Variants in RBM18 observed in about 807,000 individuals in gnomAD.
RBM18 encodes the protein RNA binding motif protein 18, also known as probable RNA-binding protein 18.
In RBM18, 18 loss-of-function variants were observed where a neutral mutation model predicts 26.4. That is an observed-to-expected ratio of 0.68 (90% CI 0.47 to 1.01). The LOEUF is 1.01. RBM18 is among the 50% of genes least tolerant of loss of function. The probability of loss-of-function intolerance (pLI) is 0.00; values close to 1 mark genes in which losing one functional copy is unlikely to be tolerated. For missense variants in RBM18, 180 were observed against 219.2 expected (o/e 0.82, Z 1.13); for synonymous variants, 74 against 81.1 (o/e 0.91, Z 0.47).
chr9:122,262,081 G>C (rs1369123012), intron 1 of RBM18, among the ~76,000 whole-genome samples: 1 of 152,042 alleles, frequency 6.6e-6, no homozygotes, highest in African/African-American at 2.4e-5. Flanking sequence ...TCATTATCTA[G>C]AGAGATAATA....
Position 122,251,792 on chromosome 9 carries a change from A to G in RBM18, c.240+55T>C, listed in dbSNP as rs1277851243. The G allele has an allele frequency of 7.0e-6, 11 of 1,561,048 alleles. No individual in the cohort carries two copies. The East Asian group carries it at 1.1e-4, about 16-fold the overall frequency. On this transcript the variant is annotated intron_variant, in intron 3 of 5. Transcript: ENST00000417201. The stretch of plus-strand genomic sequence containing the variant: ...TTCTAGTAGGCAAGAGACATGCACA[A>G]ATAATTATGACAGAGCTTGATAAAT...
chr9:122,261,613 G>C (rs1831797872), intron 1 of RBM18, 105 bp from the exon 2 acceptor site: 1 of 761,014 alleles, frequency 1.3e-6, no homozygotes, highest in African/African-American at 1.7e-5. Context: ...CATGCCCTCT[G>C]GGCAGTCCTT....
chr9:122,261,235 G>C, intron 2 of RBM18, 145 bp downstream of exon 2: 1 of 630,414 alleles, frequency 1.6e-6, no homozygotes, highest in South Asian at 2.0e-5. Flanking sequence ...CAAGATAACA[G>C]GCTAACAACA....
intron 4 of RBM18, 67 bp from the exon 5 acceptor site, chr9:122,245,408 G>T: frequency 1.1e-6 from 1 of 913,068 alleles, no homozygotes; most frequent in Non-Finnish European, 1.8e-6. Context: ...TAGTGGATGG[G>T]TTCAGAAACT....
In RBM18 at chr9:122,261,374, A is replaced by C; in HGVS notation, c.113+6T>G. ...TAGGTAAAAAACTAAGGTAACTTAG[A>C]CTTACTCGGTAATTTTGGGGTCCAG... On this transcript the variant is annotated splice_donor_region_variant and intron_variant, in intron 2 of 5. Transcript: ENST00000417201. The C allele has an allele frequency of 7.5e-6, 12 of 1,596,950 alleles. No homozygotes were observed. Among genetic ancestry groups the C allele is most frequent in the Non-Finnish European group, 1.0e-5 (12 of 1,164,338 alleles).
In RBM18 at chr9:122,238,515, T is replaced by G. The variant is rs1831364445; in HGVS notation, c.*3369A>C. 6.6e-6 allele frequency: 1 copy of G among 152,086 alleles called. No homozygotes were observed. Among genetic ancestry groups the G allele is most frequent in the Non-Finnish European group, 1.5e-5 (1 of 68,012 alleles). 9.4% of individuals were successfully genotyped at this position (152,086 alleles called of 1,614,324 possible). A position where few individuals can be genotyped will look rare whatever the true frequency, so the allele number is the denominator to read the frequency against. On this transcript the variant is annotated 3_prime_UTR_variant, in exon 6 of 6. Transcript: ENST00000417201. Reference sequence around the variant, plus strand: ...TCTGCGGCTATCTGGAGAAAGAGCGTTCTAAGCTAAGGCAACAGCCAATGT... The same window carrying G: ...TCTGCGGCTATCTGGAGAAAGAGCGGTCTAAGCTAAGGCAACAGCCAATGT...
In RBM18 at chr9:122,261,447, G is replaced by A; in HGVS notation, c.46C>T (p.Leu16Phe). The change falls in exon 2 of 6, where the codon CTT becomes TTT. Residue 16 changes from leucine (L) to phenylalanine (F), a missense_variant. Leu to Phe is a conservative substitution (Grantham distance 22, BLOSUM62 0). Transcript: ENST00000417201. ...KTLPLENASI[L>F]SEGSLQEGHR... ...CCTTCCTGCAGAGAGCCCTCTGAAAGGATGGATGCATTCTCCAGGGGAAGA... is the reference window on the plus strand; with the variant it reads ...CCTTCCTGCAGAGAGCCCTCTGAAAAGATGGATGCATTCTCCAGGGGAAGA... 1 of 1,614,200 alleles carries A rather than the reference G, an allele frequency of 6.2e-7. No homozygotes were observed.
intron 4 of RBM18, among the ~76,000 whole-genome samples, chr9:122,247,261 C>T (rs1375418318): frequency 2.6e-5 from 4 of 152,080 alleles, no homozygotes; most frequent in African/African-American, 7.2e-5. Context: ...GAGGTCTGAG[C>T]GTACACATTA....
intron 2 of RBM18, among the ~76,000 whole-genome samples, chr9:122,257,300 C>A (rs1019105153): frequency 1.3e-5 from 2 of 152,132 alleles, no homozygotes; most frequent in Non-Finnish European, 2.9e-5. Flanking sequence ...CACCACCATG[C>A]CCAGCTAATT....
At chr9:122,254,383 T>C (rs1425299559) in intron 2 of RBM18, 3 of 749,874 alleles carry the variant, frequency 4.0e-6, no homozygotes, top group African/African-American at 1.9e-5. Flanking sequence ...ACAAAAGGAA[T>C]GAAATGTTTA....
chr9:122,247,681 T>A, intron 3 of RBM18, 77 bp from the exon 4 acceptor site: 1 of 1,079,812 alleles, frequency 9.3e-7, no homozygotes, highest in Non-Finnish European at 1.4e-6. Flanking sequence ...AGGGCTTCAC[T>A]AGCTTTGATG....
intron 5 of RBM18, among the ~76,000 whole-genome samples, chr9:122,242,752 A>T (rs1456122885): frequency 6.6e-6 from 1 of 151,898 alleles, no homozygotes; most frequent in African/African-American, 2.4e-5. Context: ...TGAACTCCTG[A>T]GCTCAAGCAA....
At chr9:122,242,120 C>T in intron 5 of RBM18, 77 bp from the exon 6 acceptor site, 2 of 1,411,090 alleles carry the variant, frequency 1.4e-6, no homozygotes, top group African/African-American at 1.4e-5. Flanking sequence ...TCTCCTTGAG[C>T]CTCTTGGGAA....
chr9:122,248,060 C>T (rs923559501), intron 3 of RBM18, among the ~76,000 whole-genome samples: 4 of 152,096 alleles, frequency 2.6e-5, no homozygotes, highest in African/African-American at 9.7e-5. Flanking sequence ...GCTGGGATTA[C>T]AGGCGTGAGC....
chr9:122,262,586 CTTTT>C (rs3048201), intron 1 of RBM18, among the ~76,000 whole-genome samples: 48,698 of 151,354 alleles, frequency 0.32, 8,987 homozygotes, highest in South Asian at 0.48. Context: ...CTTTCTTTCT[CTTTT>C]TTTTTGTTTT....
At position 122,240,395 on chromosome 9, in the gene RBM18, A is replaced by T. The variant is rs148006496; in HGVS notation, c.*1489T>A. The T allele has an allele frequency of 6.8e-4, 103 of 152,348 alleles. No individual in the cohort carries two copies. Among genetic ancestry groups the T allele is most frequent in the African/African-American group, 2.4e-3 (100 of 41,576 alleles). 9.4% of individuals were successfully genotyped at this position (152,348 alleles called of 1,614,324 possible). ...AAAAAGATTAACCTTGGGAAAAGTA[A>T]AAAGAATTTCCTTAAACCAGTTTTA... On this transcript the variant is annotated 3_prime_UTR_variant, in exon 6 of 6. Coordinates refer to ENST00000417201, the MANE Select transcript of RBM18 (RefSeq NM_033117.4).
At chr9:122,261,609 CTCTGGGCAG>C in intron 1 of RBM18, 101 bp from the exon 2 acceptor site, 4 of 788,686 alleles carry the variant, frequency 5.1e-6, no homozygotes, top group Non-Finnish European at 8.4e-6. Flanking sequence ...AGGGCATGCC[CTCTGGGCAG>C]TCCTTCAAAG....
chr9:122,261,797 GTC>G (rs1396170743), intron 1 of RBM18, among the ~76,000 whole-genome samples: 1 of 152,226 alleles, frequency 6.6e-6, no homozygotes. Flanking sequence ...GGAGGCCAAA[GTC>G]TCTATTACTA....
chr9:122,250,640 G>A (rs940278812), intron 3 of RBM18, among the ~76,000 whole-genome samples: 3 of 152,180 alleles, frequency 2.0e-5, no homozygotes, highest in African/African-American at 4.8e-5. Context: ...ACCCTGATGT[G>A]ATTAAATGGT....
Sources: gnomAD v4.1 joint callset for allele counts (sites outside exome capture counted in the v4.1 genomes callset) on GRCh38, gnomAD v4.1.1 for gene constraint, MANE v1.5 for transcripts, NCBI Gene and HGNC (gene_info 2026-07-23, HGNC 2026-07-21) for gene names.